Variants in KCNN2 observed in about 807,000 individuals in gnomAD.
KCNN2 encodes the protein small conductance calcium-activated potassium channel protein 2.
Under a neutral mutation model 55.5 loss-of-function variants are expected in KCNN2, and 24 were observed. The observed-to-expected ratio is 0.43, with a 90% CI of 0.31 to 0.61. The LOEUF (loss-of-function observed/expected upper bound fraction) is 0.61. Ranked by LOEUF, KCNN2 falls within the 20% of genes least tolerant of loss-of-function variation. The pLI is 0.08. For synonymous variants in KCNN2, 431 were observed against 336.1 expected (o/e 1.28, Z -3.09); for missense variants, 754 against 853.6 (o/e 0.88, Z 1.45).
At chr5:114,322,064 C>G (rs1468053402) in intron 2 of KCNN2, among the ~76,000 whole-genome samples, 1 of 152,208 alleles carries the variant, frequency 6.6e-6, no homozygotes, top group Non-Finnish European at 1.5e-5. Flanking sequence ...CATTCTAAGA[C>G]AACTGGAAGT....
chr5:114,145,180 G>A (rs1448095524), intron 1 of KCNN2, among the ~76,000 whole-genome samples: 1 of 152,200 alleles, frequency 6.6e-6, no homozygotes, highest in African/African-American at 2.4e-5. Flanking sequence ...TATAATAGGG[G>A]AGGGTTGTCA....
intron 3 of KCNN2, among the ~76,000 whole-genome samples, chr5:114,428,615 A>C (rs186121949): frequency 5.6e-4 from 85 of 152,208 alleles, no homozygotes; most frequent in African/African-American, 2.0e-3. Flanking sequence ...ATTATGTAAA[A>C]ATGTATTTCT....
chr5:114,382,072 G>C (rs1264139102), intron 2 of KCNN2, among the ~76,000 whole-genome samples: 1 of 152,198 alleles, frequency 6.6e-6, no homozygotes, highest in Non-Finnish European at 1.5e-5. Flanking sequence ...TAACCATGAG[G>C]TTAATGTTCT....
Position 114,140,762 on chromosome 5 carries a change from C to T in KCNN2, c.-270-80718C>T, listed in dbSNP as rs1383429735. On this transcript the variant is annotated intron_variant, in intron 1 of 10. Transcript: ENST00000512097. The stretch of plus-strand genomic sequence containing the variant: ...TATTGCAAAACATTACTGTCATCCT[C>T]ATTATTATTATTATTATTATTATTA... Among the ~76,000 whole-genome samples, 11 of 139,916 alleles carry T rather than the reference C, an allele frequency of 7.9e-5. No homozygotes were observed. The East Asian group carries it at 1.9e-3, about 24-fold the overall frequency. The allele number at this position is 139,916 out of a possible 152,430, so 91.8% of individuals were successfully genotyped here. A position where few individuals can be genotyped will look rare whatever the true frequency, so the allele number is the denominator to read the frequency against.
intron 2 of KCNN2, among the ~76,000 whole-genome samples, chr5:114,382,907 C>G (rs1299839967): frequency 6.6e-6 from 1 of 152,136 alleles, no homozygotes; most frequent in Admixed American, 6.5e-5. Flanking sequence ...TAATATCACG[C>G]CTAGTTTACA....
At chr5:114,350,974 C>A (rs532025561) in intron 2 of KCNN2, among the ~76,000 whole-genome samples, 6 of 151,822 alleles carry the variant, frequency 4.0e-5, no homozygotes, top group Middle Eastern at 3.4e-3. Flanking sequence ...GGTCAGTTTG[C>A]CAATTTCTCC....
intron 1 of KCNN2, among the ~76,000 whole-genome samples, chr5:114,121,561 C>T (rs529200049): frequency 4.6e-5 from 7 of 152,244 alleles, no homozygotes; most frequent in African/African-American, 7.2e-5. Flanking sequence ...TGGAGACAAG[C>T]GTCCTTTACC....
intron 2 of KCNN2, among the ~76,000 whole-genome samples, chr5:114,286,814 G>C (rs542523291): frequency 1.3e-5 from 2 of 152,194 alleles, no homozygotes; most frequent in Non-Finnish European, 2.9e-5. Context: ...TCCATTTACT[G>C]ATATAGAAAG....
At chr5:114,227,959 C>T (rs140434981) in intron 2 of KCNN2, among the ~76,000 whole-genome samples, 1 of 151,868 alleles carries the variant, frequency 6.6e-6, no homozygotes, top group East Asian at 1.9e-4. Flanking sequence ...CATTTGAGTG[C>T]CTACTGTGTG....
chr5:114,441,940 A>G (rs942615166), intron 3 of KCNN2, among the ~76,000 whole-genome samples: 7 of 152,188 alleles, frequency 4.6e-5, no homozygotes, highest in Admixed American at 2.6e-4. Flanking sequence ...ATGTTTTAAA[A>G]CTTAACTGCT....
intron 1 of KCNN2, among the ~76,000 whole-genome samples, chr5:114,059,670 G>T (rs1750285713): frequency 6.6e-6 from 1 of 152,164 alleles, no homozygotes; most frequent in Admixed American, 6.5e-5. Flanking sequence ...ATCCCTCTTT[G>T]GGCTGAGGCA....
intron 5 of KCNN2, among the ~76,000 whole-genome samples, chr5:114,482,956 G>T (rs1176373236): frequency 4.0e-5 from 6 of 151,796 alleles, no homozygotes; most frequent in Admixed American, 6.6e-5. Flanking sequence ...GTGATGGAAT[G>T]ATCTGTGCAG....
At chr5:114,464,226 T>TAAATATTTAAGCCAGAGGTAGTTTC (rs1761338327) in intron 4 of KCNN2, among the ~76,000 whole-genome samples, 1 of 152,220 alleles carries the variant, frequency 6.6e-6, no homozygotes, top group Admixed American at 6.5e-5. Context: ...TATGAACTTC[T>TAAATATTTAAGCCAGAGGTAGTTTC]AAATATTTAA....
At chr5:114,220,597 A>G (rs1754116378) in intron 1 of KCNN2, among the ~76,000 whole-genome samples, 1 of 152,182 alleles carries the variant, frequency 6.6e-6, no homozygotes, top group Non-Finnish European at 1.5e-5. Flanking sequence ...ATGAGACTTA[A>G]TACGAGGATT....
chr5:114,413,721 G>GA (rs1473358394), intron 3 of KCNN2, among the ~76,000 whole-genome samples: 2 of 152,122 alleles, frequency 1.3e-5, no homozygotes, highest in Non-Finnish European at 2.9e-5. Context: ...AATTCACGTA[G>GA]AAAAAACATG....
At chr5:114,214,030 G>C (rs1261781785) in intron 1 of KCNN2, among the ~76,000 whole-genome samples, 1 of 152,124 alleles carries the variant, frequency 6.6e-6, no homozygotes, top group African/African-American at 2.4e-5. Context: ...AGAATCCTAG[G>C]AGACAGGTTC....
chr5:114,363,963 C>T lies in KCNN2; in HGVS notation c.1180C>T (p.Leu394Phe), dbSNP rs1757528686. ...TATCAGTCTCTCCACGATCATCCTG[C>T]TCGGTCTGATCATCGTGTACCACGC... ...CLISLSTIILLGLIIVYHARE... is the reference protein window; with the variant it reads ...CLISLSTIILFGLIIVYHARE... The change falls in exon 2 of 8, where the codon CTC becomes TTC. Residue 394 changes from leucine (L) to phenylalanine (F), a missense_variant. Transcript: ENST00000673685. The T allele has an allele frequency of 6.2e-7, 1 of 1,613,946 alleles. No homozygotes were observed. Among genetic ancestry groups the T allele is most frequent in the Admixed American group, 1.7e-5 (1 of 60,008 alleles).
intron 5 of KCNN2, among the ~76,000 whole-genome samples, chr5:114,483,525 C>G (rs113286397): frequency 6.6e-6 from 1 of 152,122 alleles, no homozygotes; most frequent in Non-Finnish European, 1.5e-5. Context: ...AGCCACTCAT[C>G]TCGGCCTCCC....
intron 3 of KCNN2, among the ~76,000 whole-genome samples, chr5:114,435,553 G>A (rs1039646286): frequency 6.6e-6 from 1 of 151,858 alleles, no homozygotes; most frequent in African/African-American, 2.4e-5. Flanking sequence ...TTGAAAGCAG[G>A]AGAAAATCCT....
Sources: gnomAD v4.1 joint callset for allele counts (sites outside exome capture counted in the v4.1 genomes callset) on GRCh38, gnomAD v4.1.1 for gene constraint, MANE v1.5 for transcripts, NCBI Gene and HGNC (gene_info 2026-07-23, HGNC 2026-07-21) for gene names.